NRXN1: variants seen among roughly 807,000 people sequenced by gnomAD.
NRXN1 encodes neurexin-1.
A neutral mutation model predicts 150.9 loss-of-function variants in NRXN1; 39 were observed. That is an observed-to-expected ratio of 0.26 (90% CI 0.20 to 0.34). NRXN1 has a LOEUF of 0.34. Among genes scored for constraint, NRXN1 ranks in the 10% least tolerant of loss-of-function variants. NRXN1 has a pLI of 1.00. For synonymous variants in NRXN1, 924 were observed against 757.0 expected, an observed-to-expected ratio of 1.22 and a Z score of -3.62; for missense variants, 1,815 against 1,949.9, an observed-to-expected ratio of 0.93 and a Z score of 1.30.
intron 17 of NRXN1, among the ~76,000 whole-genome samples, chr2:50,290,477 C>T (rs1355123610): frequency 6.6e-6 from 1 of 152,124 alleles, no homozygotes; most frequent in Non-Finnish European, 1.5e-5. Flanking sequence ...ACCAGGCCTG[C>T]ACTTTATTGT....
At chr2:50,743,861 C>T (rs1228330536) in intron 5 of NRXN1, among the ~76,000 whole-genome samples, 1 of 152,124 alleles carries the variant, frequency 6.6e-6, no homozygotes, top group African/African-American at 2.4e-5. Context: ...TGAATAATTA[C>T]TGCTTTGTGA....
At chr2:50,829,215 C>G (rs568876006) in intron 5 of NRXN1, among the ~76,000 whole-genome samples, 1 of 150,956 alleles carries the variant, frequency 6.6e-6, no homozygotes, top group African/African-American at 2.4e-5. Flanking sequence ...AGAGGGAGAC[C>G]GTGGAAAGAG....
chr2:50,293,030 C>T (rs2073125001), intron 17 of NRXN1, among the ~76,000 whole-genome samples: 1 of 152,166 alleles, frequency 6.6e-6, no homozygotes, highest in Non-Finnish European at 1.5e-5. Flanking sequence ...TGAAGACATA[C>T]ATATCCATCC....
chr2:50,192,949 A>C (rs927308841), intron 18 of NRXN1, among the ~76,000 whole-genome samples: 1 of 152,174 alleles, frequency 6.6e-6, no homozygotes, highest in Admixed American at 6.6e-5. Context: ...AGTAAAATAC[A>C]TATTTTTAAA....
At position 49,937,157 on chromosome 2, in the gene NRXN1, T is replaced by G. The variant is rs570728446; in HGVS notation, c.4216+6547A>C. ...GGGAGCCTAACTTTAGTGGGCTCCATGCTCCAAACTGTAAAACTATCCCCC... is the reference window on the plus strand; with the variant it reads ...GGGAGCCTAACTTTAGTGGGCTCCAGGCTCCAAACTGTAAAACTATCCCCC... On this transcript the variant is annotated intron_variant, in intron 22 of 22. Transcript: ENST00000401669. 4.6e-5 allele frequency among the ~76,000 whole-genome samples: 7 copies of G among 152,362 alleles called. No individual in the cohort carries two copies. In the South Asian group the frequency reaches 1.4e-3, roughly 32 times the overall value.
At chr2:50,412,306 A>G (rs530112649) in intron 17 of NRXN1, among the ~76,000 whole-genome samples, 16 of 147,046 alleles carry the variant, frequency 1.1e-4, no homozygotes, top group Non-Finnish European at 1.8e-4. Flanking sequence ...AAGAATGATC[A>G]ATAAATACTA....
intron 17 of NRXN1, among the ~76,000 whole-genome samples, chr2:50,379,868 T>C (rs1241853901): frequency 6.6e-6 from 1 of 152,172 alleles, no homozygotes; most frequent in Non-Finnish European, 1.5e-5. Context: ...CATATTGTGT[T>C]TAGTGACACT....
intron 12 of NRXN1, among the ~76,000 whole-genome samples, chr2:50,515,600 GGTGTGTGTGTGTGTGT>G (rs60612860): frequency 8.4e-5 from 12 of 143,426 alleles, no homozygotes; most frequent in South Asian, 2.3e-4. Flanking sequence ...AAATGCTTGG[GGTGTGTGTGTGTGTGT>G]GTGTGTGTGT....
chr2:50,034,001 G>T (rs1689611900), intron 21 of NRXN1, among the ~76,000 whole-genome samples: 1 of 151,182 alleles, frequency 6.6e-6, no homozygotes, highest in Admixed American at 6.6e-5. Context: ...AGCAGGTGCT[G>T]GTGAGGTTGC....
chr2:50,310,423 C>T (rs2075077997), intron 17 of NRXN1, among the ~76,000 whole-genome samples: 1 of 152,084 alleles, frequency 6.6e-6, no homozygotes, highest in South Asian at 2.1e-4. Context: ...AGCAATGATC[C>T]TTTGTGCCCA....
chr2:50,242,201 G>A (rs1285859592), intron 17 of NRXN1, among the ~76,000 whole-genome samples: 1 of 151,568 alleles, frequency 6.6e-6, no homozygotes, highest in Non-Finnish European at 1.5e-5. Context: ...TGTAAGTAAG[G>A]GGAACCTTTA....
chr2:50,785,362 C>T (rs1704960147), intron 5 of NRXN1, among the ~76,000 whole-genome samples: 2 of 150,938 alleles, frequency 1.3e-5, no homozygotes, highest in Non-Finnish European at 2.9e-5. Flanking sequence ...CATTCTCCTG[C>T]CTCAGCCTCC....
intron 17 of NRXN1, among the ~76,000 whole-genome samples, chr2:50,370,386 C>G (rs983955811): frequency 2.0e-5 from 3 of 151,972 alleles, no homozygotes; most frequent in Non-Finnish European, 4.4e-5. Context: ...AGAAACTAAG[C>G]AACACCGATG....
chr2:50,596,863 C>CTTT (rs3053104), intron 8 of NRXN1, among the ~76,000 whole-genome samples: 25,150 of 91,874 alleles, frequency 0.27, 4,560 homozygotes, highest in South Asian at 0.36. Flanking sequence ...ATTCCTAGGA[C>CTTT]TTTTTTTTTT....
chr2:50,825,407 C>A (rs1358891566), intron 5 of NRXN1, among the ~76,000 whole-genome samples: 1 of 152,152 alleles, frequency 6.6e-6, no homozygotes, highest in Non-Finnish European at 1.5e-5. Flanking sequence ...TTCAGCCCCA[C>A]CACCAACATC....
chr2:50,064,438 T>TA (rs1695043854), intron 19 of NRXN1, among the ~76,000 whole-genome samples: 2 of 151,504 alleles, frequency 1.3e-5, no homozygotes, highest in South Asian at 4.2e-4. Flanking sequence ...ATCTTCTTTT[T>TA]TTTTTTCTAA....
chr2:50,820,951 A>G (rs561219662), intron 5 of NRXN1, among the ~76,000 whole-genome samples: 14 of 152,212 alleles, frequency 9.2e-5, no homozygotes, highest in African/African-American at 3.4e-4. Flanking sequence ...GTGGAAAACC[A>G]TATCTACATT....
chr2:50,144,947 A>G (rs983640634), intron 18 of NRXN1, among the ~76,000 whole-genome samples: 1 of 151,804 alleles, frequency 6.6e-6, no homozygotes, highest in Non-Finnish European at 1.5e-5. Context: ...GTTATTCACA[A>G]ATAATTCATT....
At chr2:50,858,093 T>C (rs1034801029) in intron 5 of NRXN1, among the ~76,000 whole-genome samples, 2 of 43,210 alleles carry the variant, frequency 4.6e-5, no homozygotes, top group African/African-American at 8.7e-5. Flanking sequence ...CCCAAATAGA[T>C]TTTTTTTTTT....
Sources: allele counts gnomAD v4.1 joint callset (sites outside exome capture counted in the v4.1 genomes callset), GRCh38; gene constraint gnomAD v4.1.1; transcripts MANE v1.5; gene names NCBI Gene and HGNC (gene_info 2026-07-23, HGNC 2026-07-21).